PCNX2: variants seen among roughly 807,000 people sequenced by gnomAD.
The protein encoded by PCNX2 is pecanex 2, also known as pecanex-like protein 2.
Under a neutral mutation model 223.8 loss-of-function variants are expected in PCNX2, and 168 were observed. The ratio of observed to expected loss-of-function variants is 0.75; its 90% CI spans 0.66 to 0.85. The LOEUF is 0.85. PCNX2 is among the 40% of genes least tolerant of loss of function. The probability of loss-of-function intolerance (pLI) is 0.00; values close to 1 mark genes in which losing one functional copy is unlikely to be tolerated. For synonymous variants in PCNX2, 1,006 were observed against 1,052.6 expected, an observed-to-expected ratio of 0.96 and a Z score of 0.86; for missense variants, 2,507 against 2,675.5, an observed-to-expected ratio of 0.94 and a Z score of 1.39.
intron 28 of PCNX2, among the ~76,000 whole-genome samples, chr1:233,002,446 C>T (rs1670121817): frequency 6.6e-6 from 1 of 152,104 alleles, no homozygotes; most frequent in Non-Finnish European, 1.5e-5. Flanking sequence ...ATACAACTTA[C>T]AAGGGATGTG....
Position 233,139,946 on chromosome 1 carries a change from T to A in PCNX2, c.3518-91A>T, listed in dbSNP as rs541581340. On this transcript the variant is annotated intron_variant, in intron 19 of 33. Transcript: ENST00000258229. The surrounding 1 kb of genome is among the most constrained non-coding windows in gnomAD (Gnocchi z 4.4). ...AATAATAAGTAATATTCCCCCCCTT[T>A]AATTCAAAAGCTGCTAATTAAGAAC... The A allele has an allele frequency of 1.5e-5, 22 of 1,445,464 alleles. No homozygotes were observed. The highest frequency in any genetic ancestry group is 2.0e-5 in the Non-Finnish European group (22 of 1,081,626). The allele number at this position is 1,445,464 out of a possible 1,614,324, so 89.5% of individuals were successfully genotyped here.
At chr1:233,057,014 C>G (rs1672215644) in intron 24 of PCNX2, among the ~76,000 whole-genome samples, 1 of 152,108 alleles carries the variant, frequency 6.6e-6, no homozygotes, top group South Asian at 2.1e-4. Flanking sequence ...CAATACTGAG[C>G]AAGGTCCTAA....
At chr1:233,054,535 T>C (rs1469258682) in intron 24 of PCNX2, 52 bp from the exon 25 acceptor site, 19 of 1,432,662 alleles carry the variant, frequency 1.3e-5, no homozygotes, top group Non-Finnish European at 1.5e-5. Context: ...TTGCTGTGTA[T>C]CCAGACCTAG....
At chr1:233,019,345 G>T in intron 26 of PCNX2, 1 of 340,798 alleles carries the variant, frequency 2.9e-6, no homozygotes, top group Non-Finnish European at 4.2e-6. Flanking sequence ...TAGTGTGCCT[G>T]TTCTCCCATC....
At chr1:233,208,826 C>CAAAAAAAATA (rs1681645148) in intron 12 of PCNX2, 137 bp from the exon 13 acceptor site, 1 of 59,534 alleles carries the variant, frequency 1.7e-5, no homozygotes, top group African/African-American at 5.7e-5. Context: ...AATTCATATA[C>CAAAAAAAATA]AAAAAAAAAA....
In PCNX2 at chr1:233,295,585, C is replaced by A; in HGVS notation, c.-107G>T. On this transcript the variant is annotated 5_prime_UTR_variant, in exon 1 of 34. Coordinates refer to ENST00000258229, the MANE Select transcript of PCNX2 (RefSeq NM_014801.4). The surrounding 1 kb of genome is among the most constrained non-coding windows in gnomAD (Gnocchi z 4.1). Reference sequence around the variant, plus strand: ...CACCCGGGCCCGCGGGCCGCGCCCCCGCCGTCGCCGCCGCCGTCGCCCCCG... The same window carrying A: ...CACCCGGGCCCGCGGGCCGCGCCCCAGCCGTCGCCGCCGCCGTCGCCCCCG... 1 of 1,168,010 alleles carries A rather than the reference C, an allele frequency of 8.6e-7. No individual in the cohort carries two copies. The highest frequency in any genetic ancestry group is 4.3e-5 in the Admixed American group (1 of 23,142). 72.4% of individuals were successfully genotyped at this position (1,168,010 alleles called of 1,614,324 possible). A position where few individuals can be genotyped will look rare whatever the true frequency, so the allele number is the denominator to read the frequency against.
the PCNX2 span, among the ~76,000 whole-genome samples, chr1:233,309,554 A>C: frequency 6.6e-6 from 1 of 150,462 alleles, no homozygotes; most frequent in African/African-American, 2.4e-5. Flanking sequence ...AATAATAATA[A>C]TAATAATAAT....
At chr1:233,066,209 A>G (rs1168635318) in intron 23 of PCNX2, among the ~76,000 whole-genome samples, 1 of 152,178 alleles carries the variant, frequency 6.6e-6, no homozygotes, top group Non-Finnish European at 1.5e-5. Flanking sequence ...GACACAGGAC[A>G]AAATCCTGGG....
rs1270754023 is a variant in PCNX2, at chr1:233,202,015, A to C, written c.2864-1751T>G. The C allele has an allele frequency of 8.8e-6, 3 of 342,046 alleles. No individual in the cohort carries two copies. In the East Asian group the frequency reaches 2.7e-4, roughly 30 times the overall value. The allele number at this position is 342,046 out of a possible 1,614,324, so 21.2% of individuals were successfully genotyped here. A position where few individuals can be genotyped will look rare whatever the true frequency, so the allele number is the denominator to read the frequency against. On this transcript the variant is annotated intron_variant, in intron 13 of 33. Coordinates refer to ENST00000258229, the MANE Select transcript of PCNX2 (RefSeq NM_014801.4). The stretch of plus-strand genomic sequence containing the variant: ...GTCCATGCACTAGATCCTCTCCAAA[A>C]CATCCTGGAGGAGGAAAGCTCTAGT...
intron 25 of PCNX2, among the ~76,000 whole-genome samples, chr1:233,036,416 G>A (rs1671455846): frequency 6.6e-6 from 1 of 152,156 alleles, no homozygotes; most frequent in African/African-American, 2.4e-5. Flanking sequence ...GATCACCTGA[G>A]GTCAGGAGTT....
chr1:233,268,885 TTCTC>T (rs987119497), intron 1 of PCNX2, among the ~76,000 whole-genome samples: 4 of 152,166 alleles, frequency 2.6e-5, no homozygotes, highest in Non-Finnish European at 5.9e-5. Flanking sequence ...CCTCCCCTTC[TTCTC>T]TCTCAGGAGC....
At chr1:233,116,915 A>G (rs1443749610) in intron 21 of PCNX2, among the ~76,000 whole-genome samples, 1 of 152,072 alleles carries the variant, frequency 6.6e-6, no homozygotes, top group African/African-American at 2.4e-5. Context: ...ACAAAGAAAA[A>G]CACAAATTAA....
intron 1 of PCNX2, among the ~76,000 whole-genome samples, chr1:233,265,932 T>C (rs774484912): frequency 1.3e-5 from 2 of 152,184 alleles, no homozygotes; most frequent in Non-Finnish European, 2.9e-5. Flanking sequence ...TAGGCTATAG[T>C]GTAAGCTTGG....
intron 10 of PCNX2, among the ~76,000 whole-genome samples, chr1:233,219,719 C>T (rs1023106115): frequency 6.6e-6 from 1 of 152,084 alleles, no homozygotes; most frequent in African/African-American, 2.4e-5. Flanking sequence ...AGCCCCTCCC[C>T]ACAGACACAT....
chr1:233,165,717 CTAAA>C (rs1351835915), intron 17 of PCNX2, among the ~76,000 whole-genome samples: 1 of 152,014 alleles, frequency 6.6e-6, no homozygotes, highest in Non-Finnish European at 1.5e-5. Flanking sequence ...AACAGATAAA[CTAAA>C]TAAATAAATG....
chr1:233,312,935 G>A, the PCNX2 span, among the ~76,000 whole-genome samples: 1 of 151,618 alleles, frequency 6.6e-6, no homozygotes, highest in African/African-American at 2.4e-5. Context: ...AAAAGACTAA[G>A]CAAATGGAAA....
At chr1:232,987,704 A>C (rs559895836) in intron 32 of PCNX2, among the ~76,000 whole-genome samples, 63 of 152,304 alleles carry the variant, frequency 4.1e-4, no homozygotes, top group African/African-American at 1.4e-3. Context: ...ACATCATGTG[A>C]GAGGCAATTC....
At chr1:233,237,130 T>A in intron 8 of PCNX2, 150 bp from the exon 9 acceptor site, 1 of 1,005,440 alleles carries the variant, frequency 9.9e-7, no homozygotes, top group Non-Finnish European at 1.4e-6. Flanking sequence ...AGTTTAAAAT[T>A]ATGTATACAA....
At chr1:233,148,651 C>G (rs971718602) in intron 19 of PCNX2, among the ~76,000 whole-genome samples, 11 of 152,140 alleles carry the variant, frequency 7.2e-5, no homozygotes, top group African/African-American at 2.4e-4. Flanking sequence ...ATCCACCAAC[C>G]TTGGCCTCCC....
Sources: allele counts gnomAD v4.1 joint callset (sites outside exome capture counted in the v4.1 genomes callset), GRCh38; gene constraint gnomAD v4.1.1; non-coding constraint Gnocchi (gnomAD v3.1); transcripts MANE v1.5; gene names NCBI Gene and HGNC (gene_info 2026-07-23, HGNC 2026-07-21).